The following GPD2 variants were observed in gnomAD, a reference collection of about 807,000 sequenced individuals.
The protein encoded by GPD2 is glycerol-3-phosphate dehydrogenase, mitochondrial.
GPD2 carries 54 observed loss-of-function variants against 82.4 expected under a neutral mutation model. The ratio of observed to expected loss-of-function variants is 0.66; its 90% CI spans 0.53 to 0.82. GPD2 has a LOEUF of 0.82. Ranked by LOEUF, GPD2 falls within the 40% of genes least tolerant of loss-of-function variation. GPD2 has a pLI of 0.00. For missense variants in GPD2, 748 were observed against 896.2 expected (o/e 0.83, Z 2.11); for synonymous variants, 288 against 306.1 (o/e 0.94, Z 0.62).
At chr2:156,411,687 A>G in the GPD2 span, among the ~76,000 whole-genome samples, 1 of 152,306 alleles carries the variant, frequency 6.6e-6, no homozygotes, top group Admixed American at 6.5e-5. Context: ...GTTAGCACCA[A>G]GTAGCTGAAA....
intron 6 of GPD2, among the ~76,000 whole-genome samples, chr2:156,548,339 A>G (rs1294169851): frequency 6.6e-6 from 1 of 152,154 alleles, no homozygotes; most frequent in Non-Finnish European, 1.5e-5. Flanking sequence ...TGCTATTGTC[A>G]TTGTTTTTTT....
intron 1 of GPD2, among the ~76,000 whole-genome samples, chr2:156,455,976 A>G (rs1682776423): frequency 6.6e-6 from 1 of 152,112 alleles, no homozygotes; most frequent in South Asian, 2.1e-4. Context: ...AGTGCAGGAA[A>G]TTTTTCTGAT....
chr2:156,569,594 G>GTTC, intron 11 of GPD2, 56 bp downstream of exon 11: 16 of 1,321,766 alleles, frequency 1.2e-5, no homozygotes, highest in Non-Finnish European at 1.5e-5. Flanking sequence ...ACTGCTGCCA[G>GTTC]TGACAGAACT....
Position 156,513,356 on chromosome 2 carries a change from G to C in GPD2, c.521G>C (p.Trp174Ser), listed in dbSNP as rs1277794079. 16 of 1,611,488 alleles carry C rather than the reference G, an allele frequency of 9.9e-6. No individual in the cohort carries two copies. The highest frequency in any genetic ancestry group is 1.4e-5 in the Non-Finnish European group (16 of 1,179,064). Reference protein sequence around the residue: ...VYKWWQLPYYWVGIKLYDLVA... With the variant: ...VYKWWQLPYYSVGIKLYDLVA... ...AGGTGGTGGCAGTTACCTTACTACT[G>C]GGTAGGAATCAAGCTGTATGATTTG... Residue 174 changes from tryptophan (W) to serine (S), a missense_variant, in exon 6 of 17, where the codon TGG becomes TCG. By Grantham distance (177) the Trp-to-Ser change is radical (BLOSUM62 -3). Transcript: ENST00000438166.
chr2:156,585,884 G>C lies in GPD2; in HGVS notation c.*2966G>C, dbSNP rs1197026472. 6.6e-6 allele frequency: 1 copy of C among 152,452 alleles called. No homozygotes were observed. Among genetic ancestry groups the C allele is most frequent in the Non-Finnish European group, 1.5e-5 (1 of 67,970 alleles). 9.4% of individuals were successfully genotyped at this position (152,452 alleles called of 1,614,324 possible). ...AATAGCAAGTGTAAGCTCAGTGCTA[G>C]AGTGGATATACACACCGCATGTTTT... On this transcript the variant is annotated 3_prime_UTR_variant, in exon 17 of 17. Transcript: ENST00000438166.
chr2:156,523,569 T>A (rs940285981), intron 6 of GPD2, among the ~76,000 whole-genome samples: 1 of 152,174 alleles, frequency 6.6e-6, no homozygotes, highest in African/African-American at 2.4e-5. Context: ...CTCCCCACTA[T>A]AACAAATGTT....
chr2:156,566,879 C>T (rs576895074), intron 9 of GPD2, among the ~76,000 whole-genome samples: 15 of 151,990 alleles, frequency 9.9e-5, no homozygotes, highest in African/African-American at 2.7e-4. Context: ...TTTTCTGTTT[C>T]GTTTTGTTTT....
intron 2 of GPD2, among the ~76,000 whole-genome samples, chr2:156,479,622 G>C (rs1024517706): frequency 1.1e-4 from 16 of 152,156 alleles, no homozygotes; most frequent in African/African-American, 3.9e-4. Flanking sequence ...TTTTGGAGCT[G>C]AGCAGCCTAA....
chr2:156,435,220 T>G (rs972873269), upstream of GPD2: 40 of 152,240 alleles, frequency 2.6e-4, no homozygotes, highest in African/African-American at 8.0e-4. Context: ...CACACTAATT[T>G]TCTTCCTTCT....
chr2:156,532,839 T>G (rs1437877855), intron 6 of GPD2, among the ~76,000 whole-genome samples: 1 of 152,248 alleles, frequency 6.6e-6, no homozygotes, highest in Non-Finnish European at 1.5e-5. Flanking sequence ...ATAGAAATCA[T>G]GATTTGTCTA....
chr2:156,512,371 A>ATTG, intron 5 of GPD2, 54 bp downstream of exon 5: 1 of 856,140 alleles, frequency 1.2e-6, no homozygotes, highest in Non-Finnish European at 2.0e-6. Context: ...TCAATAGAAC[A>ATTG]ACAGTTTTAA....
chr2:156,451,927 G>A (rs548280226), intron 1 of GPD2, among the ~76,000 whole-genome samples: 4 of 149,582 alleles, frequency 2.7e-5, no homozygotes, highest in East Asian at 2.0e-4. Context: ...GGTCGCGGCC[G>A]GGCAGAGGCG....
chr2:156,521,504 C>G (rs1422183965), intron 6 of GPD2, among the ~76,000 whole-genome samples: 2 of 152,114 alleles, frequency 1.3e-5, no homozygotes, highest in Non-Finnish European at 2.9e-5. Context: ...ACATTACTCC[C>G]GTATTATTTT....
intron 16 of GPD2, 140 bp from the exon 17 acceptor site, chr2:156,582,653 A>G: frequency 1.1e-6 from 1 of 882,940 alleles, no homozygotes; most frequent in Non-Finnish European, 1.9e-6. Context: ...GACTCTTCTT[A>G]TCTGAGCTGT....
intron 1 of GPD2, among the ~76,000 whole-genome samples, chr2:156,452,906 A>T (rs1682665073): frequency 6.6e-6 from 1 of 152,184 alleles, no homozygotes; most frequent in South Asian, 2.1e-4. Flanking sequence ...ATAAGTCATC[A>T]TTTGGGTGGT....
chr2:156,532,240 C>T (rs989130846), intron 6 of GPD2, among the ~76,000 whole-genome samples: 4 of 152,170 alleles, frequency 2.6e-5, no homozygotes, highest in Non-Finnish European at 4.4e-5. Context: ...CACCTGGCTT[C>T]AAGTTGTCCT....
At chr2:156,451,458 CGGGCGGG>C (rs1682573980) in intron 1 of GPD2, among the ~76,000 whole-genome samples, 2 of 65,490 alleles carry the variant, frequency 3.1e-5, no homozygotes, top group African/African-American at 1.1e-4. Flanking sequence ...GGCGGCTGGC[CGGGCGGG>C]GGGCTGACCC....
At chr2:156,424,557 G>T in the GPD2 span, among the ~76,000 whole-genome samples, 10 of 152,290 alleles carry the variant, frequency 6.6e-5, no homozygotes, top group African/African-American at 2.2e-4. Flanking sequence ...AAGGGTCAGA[G>T]AGCTAAGGAA....
chr2:156,406,213 G>A, the GPD2 span, among the ~76,000 whole-genome samples: 3 of 152,124 alleles, frequency 2.0e-5, no homozygotes, highest in African/African-American at 7.2e-5. Flanking sequence ...ATCACAAGTA[G>A]TACCCTAAGG....
Sources: allele counts gnomAD v4.1 joint callset (sites outside exome capture counted in the v4.1 genomes callset), GRCh38; gene constraint gnomAD v4.1.1; transcripts MANE v1.5; gene names NCBI Gene and HGNC (gene_info 2026-07-23, HGNC 2026-07-21).